The following STK38L variants were observed in gnomAD, a reference collection of about 807,000 sequenced individuals.
The protein encoded by STK38L is serine/threonine kinase 38 like.
In STK38L, 28 loss-of-function variants were observed where a neutral mutation model predicts 59.7. That is an observed-to-expected ratio of 0.47 (90% CI 0.35 to 0.64). The LOEUF (loss-of-function observed/expected upper bound fraction) is 0.64. Ranked by LOEUF, STK38L falls within the 30% of genes least tolerant of loss-of-function variation. STK38L has a pLI of 0.01. For synonymous variants in STK38L, 162 were observed against 176.8 expected (o/e 0.92, Z 0.66); for missense variants, 314 against 555.8 (o/e 0.56, Z 4.37).
chr12:27,315,846 T>A (rs1488190226), intron 9 of STK38L, among the ~76,000 whole-genome samples: 1 of 152,184 alleles, frequency 6.6e-6, no homozygotes, highest in African/African-American at 2.4e-5. Flanking sequence ...ACAGATAAAT[T>A]TAATTACTCC....
intron 1 of STK38L, among the ~76,000 whole-genome samples, chr12:27,251,281 C>T (rs1343102007): frequency 6.6e-6 from 1 of 152,152 alleles, no homozygotes; most frequent in Non-Finnish European, 1.5e-5. Context: ...TTACTCTTAG[C>T]ACTTATTTTA....
chr12:27,322,342 G>A lies in STK38L; in HGVS notation c.1282G>A (p.Glu428Lys). ...TCTCTTTCTAGTGCCAAATACCACA[G>A]AACCGGACTACAAATCCAAAGACTG... ...DILQPVPNTT[E>K]PDYKSKDWVF... Residue 428 changes from glutamate to lysine, a missense_variant, in exon 14 of 14, where the codon GAA becomes AAA. Coordinates refer to ENST00000389032, the MANE Select transcript of STK38L (RefSeq NM_015000.4). 6.2e-7 allele frequency: 1 copy of A among 1,613,912 alleles called. No individual in the cohort carries two copies. The highest frequency in any genetic ancestry group is 1.6e-4 in the Middle Eastern group (1 of 6,062).
At chr12:27,260,263 T>G (rs970817398) in intron 1 of STK38L, among the ~76,000 whole-genome samples, 4 of 152,254 alleles carry the variant, frequency 2.6e-5, no homozygotes, top group African/African-American at 9.6e-5. Context: ...AACATTTCCC[T>G]TGTTATTCTT....
Position 27,322,133 on chromosome 12 carries a change from C to G in STK38L, c.1176-10C>G. 1 of 1,609,104 alleles carries G rather than the reference C, an allele frequency of 6.2e-7. No homozygotes were observed. The stretch of plus-strand genomic sequence containing the variant: ...AAAAGTTACCATGCATACTTAATAC[C>G]TTTTTATAGGGAAAGGCCAGCAGCA... On this transcript the variant is annotated splice_polypyrimidine_tract_variant and intron_variant, in intron 12 of 13. Coordinates refer to ENST00000389032, the MANE Select transcript of STK38L (RefSeq NM_015000.4).
At chr12:27,247,702 A>G (rs1357218093) in intron 1 of STK38L, among the ~76,000 whole-genome samples, 3 of 152,124 alleles carry the variant, frequency 2.0e-5, no homozygotes, top group African/African-American at 7.2e-5. Context: ...TAAAGAAAGA[A>G]CCTCACTGTC....
chr12:27,287,030 A>G (rs370586460), intron 1 of STK38L, among the ~76,000 whole-genome samples: 1 of 152,042 alleles, frequency 6.6e-6, no homozygotes, highest in South Asian at 2.1e-4. Context: ...TTCGACTTTA[A>G]CATTAAAAAA....
chr12:27,302,735 C>T (rs1206906563), intron 3 of STK38L, among the ~76,000 whole-genome samples: 1 of 151,990 alleles, frequency 6.6e-6, no homozygotes, highest in Non-Finnish European at 1.5e-5. Context: ...CATTGGTATA[C>T]CTGGGCCGGG....
At chr12:27,266,242 T>G (rs1463933065) in intron 1 of STK38L, among the ~76,000 whole-genome samples, 2 of 152,228 alleles carry the variant, frequency 1.3e-5, no homozygotes, top group Non-Finnish European at 2.9e-5. Flanking sequence ...GTGCATCTTT[T>G]CCTATAGTAA....
At position 27,314,886 on chromosome 12, in the gene STK38L, T is replaced by C. The variant is rs1174527145; in HGVS notation, c.673-129T>C. On this transcript the variant is annotated intron_variant, in intron 7 of 13. Coordinates refer to ENST00000389032, the MANE Select transcript of STK38L (RefSeq NM_015000.4). ...AAAATCATCATCAGATACTTAAAAT[T>C]TTACATTTTACGTGTATAAATCCCA... 1.1e-4 allele frequency: 97 copies of C among 879,820 alleles called. No homozygotes were observed. In the East Asian group the frequency reaches 2.5e-3, roughly 22 times the overall value. The allele number at this position is 879,820 out of a possible 1,614,324, so 54.5% of individuals were successfully genotyped here. A position where few individuals can be genotyped will look rare whatever the true frequency, so the allele number is the denominator to read the frequency against.
At chr12:27,290,008 G>C (rs1943860826) in intron 1 of STK38L, among the ~76,000 whole-genome samples, 1 of 152,206 alleles carries the variant, frequency 6.6e-6, no homozygotes, top group South Asian at 2.1e-4. Context: ...GCAGCCCAAG[G>C]CAGGAGGGAT....
chr12:27,312,803 T>A, intron 6 of STK38L, 131 bp downstream of exon 6: 2 of 1,082,290 alleles, frequency 1.8e-6, no homozygotes, highest in South Asian at 1.7e-5. Context: ...TTAAAAATAT[T>A]TACTACCATA....
chr12:27,259,169 G>A (rs1467111671), intron 1 of STK38L, among the ~76,000 whole-genome samples: 2 of 152,024 alleles, frequency 1.3e-5, no homozygotes, highest in African/African-American at 4.8e-5. Context: ...ATTTTCTTCC[G>A]GCTGAATGAT....
intron 6 of STK38L, among the ~76,000 whole-genome samples, chr12:27,312,931 GTTTAT>G (rs1355944557): frequency 6.6e-6 from 1 of 152,274 alleles, no homozygotes; most frequent in Non-Finnish European, 1.5e-5. Context: ...AGTTGTGTTA[GTTTAT>G]TTTATGTTGT....
At chr12:27,288,411 T>C (rs946090116) in intron 1 of STK38L, among the ~76,000 whole-genome samples, 8 of 152,144 alleles carry the variant, frequency 5.3e-5, no homozygotes, top group Non-Finnish European at 2.9e-5. Context: ...ACTCATGATA[T>C]TGGGTTACTG....
intron 1 of STK38L, among the ~76,000 whole-genome samples, chr12:27,275,156 T>C (rs996448337): frequency 1.3e-5 from 2 of 152,186 alleles, no homozygotes; most frequent in African/African-American, 2.4e-5. Context: ...TGGTTCCTAC[T>C]TTCCTGTCCT....
intron 3 of STK38L, among the ~76,000 whole-genome samples, chr12:27,303,097 C>T (rs1944219688): frequency 6.6e-6 from 1 of 151,912 alleles, no homozygotes; most frequent in South Asian, 2.1e-4. Flanking sequence ...TTGTCACCCG[C>T]CCCCGACGCT....
At chr12:27,254,468 A>G (rs1445175590) in intron 1 of STK38L, among the ~76,000 whole-genome samples, 1 of 152,222 alleles carries the variant, frequency 6.6e-6, no homozygotes, top group East Asian at 1.9e-4. Flanking sequence ...TAAACTTTGT[A>G]TGTATAATCT....
chr12:27,305,224 A>G (rs1161658571), intron 3 of STK38L, among the ~76,000 whole-genome samples: 7 of 152,254 alleles, frequency 4.6e-5, no homozygotes, highest in Non-Finnish European at 8.8e-5. Flanking sequence ...TGCAGTCCAA[A>G]TCAAATATAT....
At chr12:27,255,839 C>T (rs1943080378) in intron 1 of STK38L, among the ~76,000 whole-genome samples, 1 of 152,120 alleles carries the variant, frequency 6.6e-6, no homozygotes, top group African/African-American at 2.4e-5. Flanking sequence ...GATCTTAAGA[C>T]CCCATTGTCC....
Sources: allele counts gnomAD v4.1 joint callset (sites outside exome capture counted in the v4.1 genomes callset), GRCh38; gene constraint gnomAD v4.1.1; transcripts MANE v1.5; gene names NCBI Gene and HGNC (gene_info 2026-07-23, HGNC 2026-07-21).